FGFR1: variants seen among roughly 807,000 people sequenced by gnomAD.
The protein encoded by FGFR1 is FGFR1/PLAG1 fusion.
Under a neutral mutation model 93.7 loss-of-function variants are expected in FGFR1, and 18 were observed. The ratio of observed to expected loss-of-function variants is 0.19; its 90% CI spans 0.13 to 0.28. The LOEUF is 0.28. FGFR1 is among the 10% of genes least tolerant of loss of function. The pLI is 1.00. For synonymous variants in FGFR1, 448 were observed against 429.3 expected, an observed-to-expected ratio of 1.04 and a Z score of -0.54; for missense variants, 731 against 1,080.4, an observed-to-expected ratio of 0.68 and a Z score of 4.53.
At chr8:38,434,661 G>T in intron 2 of FGFR1, 1 of 181,570 alleles carries the variant, frequency 5.5e-6, no homozygotes, top group South Asian at 1.2e-4. Context: ...GGGATTTTAC[G>T]CTGCGGATCA....
intron 8 of FGFR1, 21 bp downstream of exon 8, chr8:38,421,776 A>T (rs754735456): frequency 1.9e-6 from 3 of 1,613,810 alleles, no homozygotes; most frequent in Non-Finnish European, 1.7e-6. Flanking sequence ...GGACATCGAG[A>T]GGAGAAGTTA....
rs534991125 is a variant in FGFR1 at position 38,417,531 on chromosome 8, T to TC, written c.1553-116dup. On this transcript the variant is annotated intron_variant, in intron 11 of 17. Transcript: ENST00000447712. ...TTTTCCCTGGGACTTGATTCTCTCC[T>TC]CCCCACTTCATCCAAACTTGTTTTC... is the stretch of plus-strand genomic sequence containing the variant. The TC allele has an allele frequency of 5.7e-4, 515 of 903,512 alleles. 11 individuals are homozygous for TC. In the South Asian group the frequency reaches 6.7e-3, roughly 12 times the overall value. 56.0% of individuals were successfully genotyped at this position (903,512 alleles called of 1,614,324 possible). A position where few individuals can be genotyped will look rare whatever the true frequency, so the allele number is the denominator to read the frequency against.
rs187398416 is a variant in FGFR1 at position 38,463,369 on chromosome 8, T to A, written c.-89+4612A>T. 5 of 191,614 alleles carry A rather than the reference T, an allele frequency of 2.6e-5. No individual in the cohort carries two copies. In the East Asian group the frequency reaches 4.1e-4, roughly 16 times the overall value. The allele number at this position is 191,614 out of a possible 1,614,324, so 11.9% of individuals were successfully genotyped here. ...TCTTCCATAAGACTTTCTTGGGCCT[T>A]CTAGCTGGAGAATTTCATTCCTCCA... On this transcript the variant is annotated intron_variant, in intron 1 of 17. Coordinates refer to ENST00000447712, the MANE Select transcript of FGFR1 (RefSeq NM_023110.3).
At chr8:38,437,156 T>C (rs1825735733) in intron 2 of FGFR1, among the ~76,000 whole-genome samples, 1 of 152,148 alleles carries the variant, frequency 6.6e-6, no homozygotes, top group South Asian at 2.1e-4. Context: ...TGATTCTAAA[T>C]CTGTGTCTTC....
At chr8:38,418,534 G>A in intron 9 of FGFR1, 161 bp from the exon 10 acceptor site, 2 of 844,700 alleles carry the variant, frequency 2.4e-6, no homozygotes, top group Non-Finnish European at 3.7e-6. Flanking sequence ...TAGGCCAGGA[G>A]GCCCAACTTC....
intron 2 of FGFR1, chr8:38,440,264 T>C (rs1361625285): frequency 1.3e-6 from 2 of 1,567,688 alleles, no homozygotes; most frequent in Non-Finnish European, 1.7e-6. Flanking sequence ...CAGAGGTTTT[T>C]TTATTACGTA....
At chr8:38,461,852 A>G (rs745957137) in intron 1 of FGFR1, among the ~76,000 whole-genome samples, 11 of 152,184 alleles carry the variant, frequency 7.2e-5, no homozygotes, top group Non-Finnish European at 1.5e-4. Flanking sequence ...TAATATTAAG[A>G]TATTTATAAT....
chr8:38,415,376 C>T (rs1433068787), intron 13 of FGFR1, among the ~76,000 whole-genome samples: 4 of 152,154 alleles, frequency 2.6e-5, no homozygotes, highest in Non-Finnish European at 4.4e-5. Context: ...TCAGTGCAGC[C>T]TCAAACTCTT....
intron 8 of FGFR1, among the ~76,000 whole-genome samples, chr8:38,420,744 T>C (rs980420801): frequency 6.6e-6 from 1 of 151,964 alleles, no homozygotes; most frequent in Non-Finnish European, 1.5e-5. Flanking sequence ...CAGCCAACCA[T>C]GGAGGCGGCG....
At chr8:38,418,088 C>T (rs534987458) in intron 10 of FGFR1, 97 bp from the exon 11 acceptor site, 59 of 1,608,278 alleles carry the variant, frequency 3.7e-5, no homozygotes, top group African/African-American at 3.5e-4. Flanking sequence ...CACCCAACTG[C>T]GAGCAGAAAG....
chr8:38,434,617 C>G (rs1824572537), intron 2 of FGFR1: 1 of 239,340 alleles, frequency 4.2e-6, no homozygotes, highest in Admixed American at 4.1e-5. Flanking sequence ...TTTTCCTTTC[C>G]TCCTCTGAAT....
chr8:38,425,026 G>C (rs1333596801), intron 6 of FGFR1, among the ~76,000 whole-genome samples: 2 of 152,172 alleles, frequency 1.3e-5, no homozygotes, highest in African/African-American at 2.4e-5. Context: ...GAGTCACTTT[G>C]ACTCCTGCTA....
At chr8:38,440,859 C>T (rs940826888) in intron 2 of FGFR1, among the ~76,000 whole-genome samples, 3 of 152,154 alleles carry the variant, frequency 2.0e-5, no homozygotes, top group South Asian at 2.1e-4. Context: ...GGAGAAAGGC[C>T]GAGCACACAG....
intron 7 of FGFR1, chr8:38,422,858 A>C: frequency 1.7e-6 from 1 of 596,820 alleles, no homozygotes; most frequent in Non-Finnish European, 3.0e-6. Flanking sequence ...CACCAACACA[A>C]TACCAAACCA....
chr8:38,438,448 C>T (rs1826183711), intron 2 of FGFR1, among the ~76,000 whole-genome samples: 1 of 150,456 alleles, frequency 6.6e-6, no homozygotes, highest in African/African-American at 2.5e-5. Flanking sequence ...GAGGCTGAGG[C>T]AGGAGAATCA....
chr8:38,454,064 G>A (rs1831950064), intron 2 of FGFR1, among the ~76,000 whole-genome samples: 4 of 152,048 alleles, frequency 2.6e-5, no homozygotes. Context: ...GTCTTCCTGG[G>A]TACATGGCTC....
intron 2 of FGFR1, among the ~76,000 whole-genome samples, chr8:38,431,582 C>A (rs909950778): frequency 5.9e-5 from 9 of 152,178 alleles, no homozygotes; most frequent in African/African-American, 1.7e-4. Flanking sequence ...CCGCTAGAAA[C>A]CTTAAAAATG....
rs370442129 is a variant in FGFR1 at position 38,426,102 on chromosome 8, T to C, written c.745+20A>G. The C allele has an allele frequency of 6.8e-6, 11 of 1,613,960 alleles. No homozygotes were observed. The African/African-American group carries it at 1.2e-4, about 18-fold the overall frequency. On this transcript the variant is annotated intron_variant, in intron 6 of 17. Transcript: ENST00000447712. This position sits in a 1 kb window ranked among gnomAD's most constrained non-coding sequence, Gnocchi z 4.1. The stretch of plus-strand genomic sequence containing the variant: ...CTCTTCCCACTAAACTCATTCCTCC[T>C]GCTGCCTCTGCCCTCTTACCCACGA...
At chr8:38,436,547 G>A (rs1175064152) in intron 2 of FGFR1, among the ~76,000 whole-genome samples, 1 of 152,164 alleles carries the variant, frequency 6.6e-6, no homozygotes, top group East Asian at 1.9e-4. Context: ...CTGGGTCAAA[G>A]CAGCTGGCGG....
Sources: gnomAD v4.1 joint callset for allele counts (sites outside exome capture counted in the v4.1 genomes callset) on GRCh38, gnomAD v4.1.1 for gene constraint, Gnocchi (gnomAD v3.1) non-coding constraint, MANE v1.5 for transcripts, NCBI Gene and HGNC (gene_info 2026-07-23, HGNC 2026-07-21) for gene names.